The following MSRB3 variants were observed in gnomAD, a reference collection of about 807,000 sequenced individuals.
MSRB3 encodes methionine-R-sulfoxide reductase B3.
A neutral mutation model predicts 21.0 loss-of-function variants in MSRB3; 13 were observed. That is an observed-to-expected ratio of 0.62 (90% CI 0.40 to 0.98). The LOEUF is 0.98. Among genes scored for constraint, MSRB3 ranks in the 50% least tolerant of loss-of-function variants. The pLI, the probability that MSRB3 is intolerant of heterozygous loss-of-function variation, is 0.00. For missense variants in MSRB3, 199 were observed against 230.3 expected (o/e 0.86, Z 0.88); for synonymous variants, 87 against 88.6 (o/e 0.98, Z 0.10).
intron 4 of MSRB3, among the ~76,000 whole-genome samples, chr12:65,331,227 GAATAC>G (rs1328058058): frequency 1.3e-5 from 2 of 152,186 alleles, no homozygotes; most frequent in Non-Finnish European, 2.9e-5. Context: ...TCAGGACACA[GAATAC>G]ACAGTATTTT....
chr12:65,463,540 G>A lies in MSRB3; in HGVS notation c.*218G>A. 1 of 563,900 alleles carries A rather than the reference G, an allele frequency of 1.8e-6. No individual in the cohort carries two copies. Among genetic ancestry groups the A allele is most frequent in the African/African-American group, 1.9e-5 (1 of 53,094 alleles). 34.9% of individuals were successfully genotyped at this position (563,900 alleles called of 1,614,324 possible). ...TTTATAGCTTTAGCAAATGGAGACA[G>A]CTTTGTGAAACTTCTTCACAAGCCA... On this transcript the variant is annotated 3_prime_UTR_variant, in exon 7 of 7. Transcript: ENST00000308259.
intron 4 of MSRB3, among the ~76,000 whole-genome samples, chr12:65,364,970 GT>G (rs1565856786): frequency 6.6e-6 from 1 of 151,852 alleles, no homozygotes; most frequent in African/African-American, 2.4e-5. Context: ...CCATTAATTG[GT>G]TTGTGAAGAT....
intron 6 of MSRB3, among the ~76,000 whole-genome samples, chr12:65,458,222 T>C (rs1883176514): frequency 1.3e-5 from 2 of 152,214 alleles, no homozygotes; most frequent in Admixed American, 6.5e-5. Flanking sequence ...GTTCTTTTGG[T>C]TCCTACCTAA....
intron 2 of MSRB3, among the ~76,000 whole-genome samples, chr12:65,320,704 G>A (rs1022451726): frequency 1.3e-5 from 2 of 152,192 alleles, no homozygotes; most frequent in Non-Finnish European, 2.9e-5. Context: ...TATTTTGAGG[G>A]TAGCACTTTG....
intron 5 of MSRB3, among the ~76,000 whole-genome samples, chr12:65,371,198 C>T (rs1032013059): frequency 5.9e-5 from 9 of 151,868 alleles, no homozygotes; most frequent in African/African-American, 1.7e-4. Context: ...CGTGGTGGCA[C>T]ATGCCTGTAG....
chr12:65,402,011 T>A (rs141486535), intron 5 of MSRB3, among the ~76,000 whole-genome samples: 100 of 152,334 alleles, frequency 6.6e-4, no homozygotes, highest in African/African-American at 2.1e-3. Context: ...CCTTTGTGAG[T>A]AACCTGACCT....
chr12:65,355,151 T>C (rs2136505333), intron 4 of MSRB3, among the ~76,000 whole-genome samples: 1 of 151,998 alleles, frequency 6.6e-6, no homozygotes, highest in Admixed American at 6.6e-5. Context: ...GGAAATTTTT[T>C]AGATGAATAA....
chr12:65,328,467 T>C, intron 3 of MSRB3, 59 bp from the exon 4 acceptor site: 3 of 1,220,024 alleles, frequency 2.5e-6, no homozygotes, highest in African/African-American at 1.5e-5. Flanking sequence ...TTTAAGCAAA[T>C]ACATTCTGTA....
chr12:65,364,962 A>C (rs977424493), intron 4 of MSRB3, among the ~76,000 whole-genome samples: 4 of 152,070 alleles, frequency 2.6e-5, no homozygotes, highest in African/African-American at 9.7e-5. Flanking sequence ...ACCCAAGGCC[A>C]TTAATTGGTT....
intron 5 of MSRB3, among the ~76,000 whole-genome samples, chr12:65,382,074 G>A (rs965138278): frequency 2.0e-5 from 3 of 152,006 alleles, no homozygotes; most frequent in Admixed American, 1.3e-4. Context: ...AATATTTGAC[G>A]CTAACAAATA....
intron 5 of MSRB3, among the ~76,000 whole-genome samples, chr12:65,428,885 CT>C (rs1293629548): frequency 1.3e-5 from 2 of 152,082 alleles, no homozygotes; most frequent in Non-Finnish European, 2.9e-5. Flanking sequence ...TTGGAATATC[CT>C]TTTTTTCCCC....
chr12:65,295,249 G>T (rs1253512876), intron 1 of MSRB3, among the ~76,000 whole-genome samples: 1 of 152,134 alleles, frequency 6.6e-6, no homozygotes, highest in East Asian at 1.9e-4. Flanking sequence ...AGTAAAAAAT[G>T]CAGTAGCATT....
At chr12:65,437,794 G>C (rs1274409552) in intron 5 of MSRB3, among the ~76,000 whole-genome samples, 2 of 151,966 alleles carry the variant, frequency 1.3e-5, no homozygotes, top group Non-Finnish European at 2.9e-5. Flanking sequence ...GTTGATTTCA[G>C]TTGGACAGAT....
At chr12:65,388,765 GA>G (rs1470715025) in intron 5 of MSRB3, among the ~76,000 whole-genome samples, 1 of 152,114 alleles carries the variant, frequency 6.6e-6, no homozygotes, top group Non-Finnish European at 1.5e-5. Context: ...CAGTTACTCA[GA>G]AGGCTGAGGT....
At chr12:65,333,631 T>C (rs1875569376) in intron 4 of MSRB3, among the ~76,000 whole-genome samples, 1 of 152,240 alleles carries the variant, frequency 6.6e-6, no homozygotes, top group African/African-American at 2.4e-5. Context: ...AAATTCCTAC[T>C]AGAAATCTTT....
At chr12:65,283,059 T>C (rs1046465567) in intron 1 of MSRB3, among the ~76,000 whole-genome samples, 1 of 152,234 alleles carries the variant, frequency 6.6e-6, no homozygotes, top group Non-Finnish European at 1.5e-5. Context: ...AGTGGCTCTT[T>C]AGGATAAGTT....
rs543458827 is a variant in MSRB3, at chr12:65,288,813, TA to T, written c.-52+9956del. Among the ~76,000 whole-genome samples the T allele has an allele frequency of 4.6e-3, 695 of 152,116 alleles. 3 individuals carry two copies. The highest frequency in any genetic ancestry group is 0.011 in the African/African-American group (443 of 41,498). ...AGGTTGGTTAATCTGGTCTTATTTTTAAAAAAAACTTCACTGTGAGTTTTAA... is the reference window on the plus strand; with the variant it reads ...AGGTTGGTTAATCTGGTCTTATTTTTAAAAAAACTTCACTGTGAGTTTTAA... On this transcript the variant is annotated intron_variant, in intron 1 of 6. Coordinates refer to ENST00000308259, the MANE Select transcript of MSRB3 (RefSeq NM_001031679.3).
chr12:65,425,080 A>G (rs1371178539), intron 5 of MSRB3, among the ~76,000 whole-genome samples: 1 of 4,856 alleles, frequency 2.1e-4, no homozygotes, highest in Non-Finnish European at 6.3e-4. Context: ...TATGCTCTTG[A>G]AGAATTGACT....
At chr12:65,440,065 G>C (rs140287791) in intron 5 of MSRB3, among the ~76,000 whole-genome samples, 61 of 151,882 alleles carry the variant, frequency 4.0e-4, no homozygotes, top group African/African-American at 1.3e-3. Flanking sequence ...TATAAACATG[G>C]TATTTCAACT....
Sources: allele counts gnomAD v4.1 joint callset (sites outside exome capture counted in the v4.1 genomes callset), GRCh38; gene constraint gnomAD v4.1.1; transcripts MANE v1.5; gene names NCBI Gene and HGNC (gene_info 2026-07-23, HGNC 2026-07-21).